Variants in CHTF18 observed in about 807,000 individuals in gnomAD.
The protein encoded by CHTF18 is chromosome transmission fidelity protein 18 homolog.
Under a neutral mutation model 113.4 loss-of-function variants are expected in CHTF18, and 151 were observed. The ratio of observed to expected loss-of-function variants is 1.33; its 90% confidence interval spans 1.17 to 1.52. The LOEUF (loss-of-function observed/expected upper bound fraction) is 1.52, where lower values mean the gene tolerates loss of function less well. Ranked by LOEUF, CHTF18 falls within the 40% of genes most tolerant of loss-of-function variation. The pLI is 0.00. For synonymous variants in CHTF18, 916 were observed against 598.8 expected, an observed-to-expected ratio of 1.53 and a Z score of -7.74; for missense variants, 1,982 against 1,381.6, an observed-to-expected ratio of 1.43 and a Z score of -6.89.
rs13337113 is a variant in CHTF18 at position 790,012 on chromosome 16, C to T, written c.607-165C>T. 14,654 of 1,535,334 alleles carry T rather than the reference C, an allele frequency of 9.5e-3. 820 individuals carry two copies. In the African/African-American group the frequency reaches 0.15, roughly 15 times the overall value. Reference sequence around the variant, plus strand: ...CCCCCAATTTCCCTTTGCAGCTGACCCATCTGGATGGCTTCATTCCTTTGG... The same window carrying T: ...CCCCCAATTTCCCTTTGCAGCTGACTCATCTGGATGGCTTCATTCCTTTGG... On this transcript the variant is annotated intron_variant, in intron 4 of 21. Coordinates refer to ENST00000262315, the MANE Select transcript of CHTF18 (RefSeq NM_022092.3).
rs561246825 is a variant in CHTF18, at chr16:789,936, C to A, written c.606+221C>A. 2.3e-5 allele frequency: 34 copies of A among 1,495,784 alleles called. No homozygotes were observed. The East Asian group carries it at 7.2e-4, about 32-fold the overall frequency. The allele number at this position is 1,495,784 out of a possible 1,614,324, so 92.7% of individuals were successfully genotyped here. On this transcript the variant is annotated intron_variant, in intron 4 of 21. Transcript: ENST00000262315. ...TTGTATGGCCTCGGGTGGAGAGGGCCTCCTTGCTTCCCCTCCTGCTTTTGC... is the reference window on the plus strand; with the variant it reads ...TTGTATGGCCTCGGGTGGAGAGGGCATCCTTGCTTCCCCTCCTGCTTTTGC...
chr16:792,046 A>G, intron 9 of CHTF18, 98 bp downstream of exon 9: 1 of 1,546,146 alleles, frequency 6.5e-7, no homozygotes, highest in East Asian at 2.4e-5. Context: ...TCCCGTCTTG[A>G]GGGTGGTGGG....
chr16:792,049 G>A (rs2042211817), intron 9 of CHTF18, 101 bp downstream of exon 9: 1 of 1,545,648 alleles, frequency 6.5e-7, no homozygotes, highest in Non-Finnish European at 8.7e-7. Context: ...CGTCTTGAGG[G>A]TGGTGGGGGC....
At position 795,210 on chromosome 16, in the gene CHTF18, G is replaced by A. The variant is rs1179124475; in HGVS notation, c.2029G>A (p.Ala677Thr). The change falls in exon 16 of 22, where the codon GCC becomes ACC. Residue 677 changes from alanine to threonine, a missense_variant. Coordinates refer to ENST00000262315, the MANE Select transcript of CHTF18 (RefSeq NM_022092.3). ...GAVCVALDWLAFDDLLAGAAH... is the reference protein window; with the variant it reads ...GAVCVALDWLTFDDLLAGAAH... ...TGTGTGTGTGGCCCTCGACTGGCTG[G>A]CCTTCGATGACCTGCTGGCGGGGGC... The A allele has an allele frequency of 1.9e-6, 3 of 1,555,498 alleles. No homozygotes were observed. The highest frequency in any genetic ancestry group is 1.2e-5 in the South Asian group (1 of 84,628).
chr16:795,631 C>G (rs532835388), intron 16 of CHTF18, 54 bp from the exon 17 acceptor site: 54 of 1,191,406 alleles, frequency 4.5e-5, no homozygotes, highest in Non-Finnish European at 5.6e-5. Flanking sequence ...CCCACCATTC[C>G]CCCCTCGCCC....
chr16:796,997 G>C lies in CHTF18; in HGVS notation c.2638G>C (p.Gly880Arg), dbSNP rs2042368215. ...GSPPGLEGLLGGIGEKGVHRP... is the reference protein window; with the variant it reads ...GSPPGLEGLLRGIGEKGVHRP... ...CCCCCCAGGGCTCGAGGGTCTGCTGGGGGGCATTGGGGAGAAAGGGGTGCA... is the reference window on the plus strand; with the variant it reads ...CCCCCCAGGGCTCGAGGGTCTGCTGCGGGGCATTGGGGAGAAAGGGGTGCA... The change falls in exon 20 of 22, where the codon GGG (glycine) becomes CGG (arginine). Residue 880 changes from glycine to arginine, a missense_variant. By Grantham distance (125) the Gly-to-Arg change is moderately radical. Coordinates refer to ENST00000262315, the MANE Select transcript of CHTF18 (RefSeq NM_022092.3). 2.6e-6 allele frequency: 4 copies of C among 1,545,364 alleles called. No individual in the cohort carries two copies. In the East Asian group the frequency reaches 9.1e-5, roughly 35 times the overall value.
In CHTF18 at chr16:795,297, C is replaced by T. The variant is rs1429771280; in HGVS notation, c.2116C>T (p.His706Tyr). 2 of 1,548,954 alleles carry T rather than the reference C, an allele frequency of 1.3e-6. No individual in the cohort carries two copies. The highest frequency in any genetic ancestry group is 2.4e-5 in the East Asian group (1 of 40,906). Residue 706 changes from histidine (H) to tyrosine (Y), a missense_variant, in exon 16 of 22, where the codon CAT (histidine) becomes TAT (tyrosine). Coordinates refer to ENST00000262315, the MANE Select transcript of CHTF18 (RefSeq NM_022092.3). ...RYPPFLPVAF[H>Y]VLFASSHTPR... ...CCCACCCTTCCTGCCCGTGGCCTTCCATGTGCTGTTTGCTTCCAGCCACAC... is the reference window on the plus strand; with the variant it reads ...CCCACCCTTCCTGCCCGTGGCCTTCTATGTGCTGTTTGCTTCCAGCCACAC...
rs929048392 is a variant in CHTF18 at position 794,885 on chromosome 16, C to T, written c.1951-247C>T. On this transcript the variant is annotated intron_variant, in intron 15 of 21. Transcript: ENST00000262315. Reference sequence around the variant, plus strand: ...GTGTCAGTCTCTGTCAAGTCAGTCTCTGTCAAGCTGTAGCGAGGATGCTCA... The same window carrying T: ...GTGTCAGTCTCTGTCAAGTCAGTCTTTGTCAAGCTGTAGCGAGGATGCTCA... The T allele has an allele frequency of 3.0e-5, 16 of 534,342 alleles. No homozygotes were observed. In the African/African-American group the frequency reaches 3.2e-4, roughly 11 times the overall value. 33.1% of individuals were successfully genotyped at this position (534,342 alleles called of 1,614,324 possible). A position where few individuals can be genotyped will look rare whatever the true frequency, so the allele number is the denominator to read the frequency against.
rs762795345 is a variant in CHTF18, at chr16:792,475, A to C, written c.1363A>C (p.Lys455Gln). Reference protein sequence around the residue: ...INVLLSILNRKGPQEVGPQGP... With the variant: ...INVLLSILNRQGPQEVGPQGP... Reference sequence around the variant, plus strand: ...CGTCCTCCTGAGCATCCTGAACCGCAAGGGGCCACAGGAGGTGGGGCCACA... The same window carrying C: ...CGTCCTCCTGAGCATCCTGAACCGCCAGGGGCCACAGGAGGTGGGGCCACA... Residue 455 changes from lysine to glutamine, a missense_variant, in exon 11 of 22, where the codon AAG (lysine) becomes CAG (glutamine). Transcript: ENST00000262315. The C allele has an allele frequency of 6.3e-7, 1 of 1,584,278 alleles. No homozygotes were observed. The highest frequency in any genetic ancestry group is 1.1e-5 in the South Asian group (1 of 87,896).
intron 14 of CHTF18, 170 bp from the exon 15 acceptor site, chr16:793,884 G>A (rs931041128): frequency 1.4e-6 from 1 of 705,534 alleles, no homozygotes; most frequent in Non-Finnish European, 2.4e-6. Flanking sequence ...AGGGGGTTGA[G>A]GTCCGGGCGT....
At position 793,067 on chromosome 16, in the gene CHTF18, G is replaced by A. The variant is rs55796766; in HGVS notation, c.1671+3G>A. On this transcript the variant is annotated splice_donor_region_variant and intron_variant, in intron 13 of 21. Transcript: ENST00000262315. Reference sequence around the variant, plus strand: ...GGGCCTGCATCAACACCCTGCAGGTGGGCGGCCGGCAGGCACCGGGTGGGG... The same window carrying A: ...GGGCCTGCATCAACACCCTGCAGGTAGGCGGCCGGCAGGCACCGGGTGGGG... The A allele has an allele frequency of 7.6e-3, 11,836 of 1,562,368 alleles. 91 individuals carry two copies. Among genetic ancestry groups the A allele is most frequent in the Middle Eastern group, 0.029 (167 of 5,718 alleles).
At position 795,971 on chromosome 16, in the gene CHTF18, C is replaced by G. The variant is rs763326027; in HGVS notation, c.2350C>G (p.Arg784Gly). ...GGTGAGCACACAGCTGTACAGCACCCGTGAAAAGCAACAGCTGGCCAGCCT... is the reference window on the plus strand; with the variant it reads ...GGTGAGCACACAGCTGTACAGCACCGGTGAAAAGCAACAGCTGGCCAGCCT... ...RPVSTQLYST[R>G]EKQQLASLVG... Residue 784 changes from arginine (R) to glycine (G), a missense_variant, in exon 18 of 22, where the codon CGT (arginine) becomes GGT (glycine). Physicochemically the swap from Arg to Gly is moderately radical, Grantham distance 125 (BLOSUM62 -2). Transcript: ENST00000262315. 1.5e-5 allele frequency: 24 copies of G among 1,609,352 alleles called. No individual in the cohort carries two copies. Among genetic ancestry groups the G allele is most frequent in the Non-Finnish European group, 1.9e-5 (22 of 1,178,550 alleles).
Position 790,616 on chromosome 16 carries a change from T to C in CHTF18, c.844T>C (p.Trp282Arg), listed in dbSNP as rs767828046. Residue 282 changes from tryptophan (W) to arginine (R), a missense_variant, in exon 7 of 22, where the codon TGG (tryptophan) becomes CGG (arginine). Transcript: ENST00000262315. ...DGQDASSHCL[W>R]VDEFAPRHYT... ...TCAAGACGCCTCCAGTCACTGCCTCTGGGTGGATGAGTTTGCACCCCGCCA... is the reference window on the plus strand; with the variant it reads ...TCAAGACGCCTCCAGTCACTGCCTCCGGGTGGATGAGTTTGCACCCCGCCA... 6.3e-7 allele frequency: 1 copy of C among 1,592,820 alleles called. No individual in the cohort carries two copies. The highest frequency in any genetic ancestry group is 8.5e-7 in the Non-Finnish European group (1 of 1,171,720).
intron 11 of CHTF18, 54 bp from the exon 12 acceptor site, chr16:792,664 G>A: frequency 3.8e-6 from 6 of 1,589,416 alleles, no homozygotes; most frequent in South Asian, 1.1e-5. Flanking sequence ...CCGTCCCTGT[G>A]TCCTGGGCTG....
At position 796,756 on chromosome 16, in the gene CHTF18, C is replaced by A; in HGVS notation, c.2496C>A (p.Ala832=). The A allele has an allele frequency of 6.2e-7, 1 of 1,607,242 alleles. No individual in the cohort carries two copies. Among genetic ancestry groups the A allele is most frequent in the South Asian group, 1.1e-5 (1 of 91,050 alleles). The change falls in exon 19 of 22, where the codon GCC becomes GCA. Residue 832 remains alanine, a synonymous_variant. Coordinates refer to ENST00000262315, the MANE Select transcript of CHTF18 (RefSeq NM_022092.3). ...EELCRFPELP[A]RKPLTYQTKQ... ...TCTGCCGCTTCCCTGAGCTGCCTGC[C>A]CGCAAGCCCCTCACCTACCAGACGA...
At chr16:792,151 CA>C (rs1320289627) in intron 9 of CHTF18, 72 bp from the exon 10 acceptor site, 2 of 1,525,308 alleles carry the variant, frequency 1.3e-6, no homozygotes, top group Non-Finnish European at 1.8e-6. Flanking sequence ...GCAAATGCGG[CA>C]GCCCCGGCCT....
At chr16:790,459 C>T (rs1046712204) in intron 6 of CHTF18, 60 bp downstream of exon 6, 35 of 1,610,098 alleles carry the variant, frequency 2.2e-5, no homozygotes, top group Non-Finnish European at 2.6e-5. Context: ...CAACTCCTAG[C>T]TCCTAGCGTG....
rs766450133 is a variant in CHTF18 at position 792,422 on chromosome 16, C to T, written c.1327-17C>T. The T allele has an allele frequency of 3.2e-6, 5 of 1,559,714 alleles. No individual in the cohort carries two copies. Among genetic ancestry groups the T allele is most frequent in the Non-Finnish European group, 4.3e-6 (5 of 1,152,508 alleles). On this transcript the variant is annotated splice_polypyrimidine_tract_variant and intron_variant, in intron 10 of 21. Coordinates refer to ENST00000262315, the MANE Select transcript of CHTF18 (RefSeq NM_022092.3). ...CAGCAGGGCCTGGACTCACCGTGTC[C>T]TCTGACCTCCCCCAAGGCCGCCATC...
chr16:792,199 A>T, intron 9 of CHTF18, 25 bp from the exon 10 acceptor site: 1 of 1,560,318 alleles, frequency 6.4e-7, no homozygotes, highest in Non-Finnish European at 8.7e-7. Context: ...CACTGCCCTG[A>T]CGACCCCTGA....
Sources: allele counts gnomAD v4.1 joint callset, GRCh38; gene constraint gnomAD v4.1.1; transcripts MANE v1.5; gene names NCBI Gene and HGNC (gene_info 2026-07-23, HGNC 2026-07-21).